The following ODF2 variants were observed in gnomAD, a reference collection of about 807,000 sequenced individuals.
ODF2 encodes outer dense fiber of sperm tails 2.
A neutral mutation model predicts 110.2 loss-of-function variants in ODF2; 47 were observed. The observed-to-expected ratio is 0.43, with a 90% CI of 0.34 to 0.54. The LOEUF is 0.54. Among genes scored for constraint, ODF2 ranks in the 20% least tolerant of loss-of-function variants. The pLI, the probability that ODF2 is intolerant of heterozygous loss-of-function variation, is 0.03. For synonymous variants in ODF2, 352 were observed against 397.7 expected, an observed-to-expected ratio of 0.89 and a Z score of 1.37; for missense variants, 812 against 1,054.5, an observed-to-expected ratio of 0.77 and a Z score of 3.19.
At chr9:128,467,018 T>A (rs1299020900) in intron 4 of ODF2, among the ~76,000 whole-genome samples, 10 of 19,382 alleles carry the variant, frequency 5.2e-4, no homozygotes, top group East Asian at 3.1e-3. Context: ...AAAAAAAATA[T>A]ATATATATAT....
At chr9:128,461,311 C>T (rs1836385341) in intron 4 of ODF2, 1 of 502,968 alleles carries the variant, frequency 2.0e-6, no homozygotes, top group Admixed American at 3.2e-5. Context: ...AGTGATTTTC[C>T]CAGAGTCACA....
intron 4 of ODF2, among the ~76,000 whole-genome samples, chr9:128,467,237 C>T (rs974815684): frequency 2.7e-5 from 4 of 150,154 alleles, no homozygotes; most frequent in South Asian, 4.2e-4. Context: ...AGCATGATGC[C>T]GTACAGAATA....
intron 8 of ODF2, among the ~76,000 whole-genome samples, chr9:128,477,814 G>T (rs1588878270): frequency 1.3e-5 from 2 of 151,390 alleles, no homozygotes; most frequent in African/African-American, 4.9e-5. Flanking sequence ...GTCCAGCCTG[G>T]TCTCAAACTC....
intron 1 of ODF2, chr9:128,457,094 C>T: frequency 1.5e-6 from 2 of 1,367,940 alleles, no homozygotes; most frequent in Non-Finnish European, 9.6e-7. Context: ...GCGTGGGACC[C>T]GGGCGCGGTG....
At chr9:128,492,847 A>C (rs185029976) in intron 16 of ODF2, 42 bp downstream of exon 16, 5 of 1,520,458 alleles carry the variant, frequency 3.3e-6, no homozygotes, top group South Asian at 1.1e-5. Context: ...ACCCAATTCC[A>C]TATCTAACTC....
At chr9:128,460,580 C>T (rs754633491) in intron 3 of ODF2, 2 of 1,613,870 alleles carry the variant, frequency 1.2e-6, no homozygotes, top group South Asian at 1.1e-5. Flanking sequence ...CTCTTCAACT[C>T]CCCCCTTACA....
At chr9:128,488,019 G>C (rs1319211998) in exon 14 of ODF2, 1 of 1,613,710 alleles carries the variant, frequency 6.2e-7, no homozygotes, top group Admixed American at 1.7e-5. Context: ...AGAATGAGAG[G>C]CTGAAGGTTC....
exon 2 of ODF2, chr9:128,457,348 C>T: frequency 1.2e-6 from 2 of 1,611,256 alleles, no homozygotes; most frequent in Non-Finnish European, 1.7e-6. Context: ...CCCTCTGGGT[C>T]CCCCTGAGCA....
At chr9:128,471,017 G>A (rs1431692957) in intron 5 of ODF2, among the ~76,000 whole-genome samples, 2 of 151,822 alleles carry the variant, frequency 1.3e-5, no homozygotes, top group African/African-American at 2.4e-5. Flanking sequence ...GGGTTCAGGC[G>A]ACTCTCTTGC....
intron 3 of ODF2, chr9:128,460,243 G>A (rs1022560954): frequency 2.2e-6 from 3 of 1,333,932 alleles, no homozygotes; most frequent in Non-Finnish European, 2.9e-6. Context: ...AGCAGGTTTA[G>A]AGGAGATCCA....
intron 4 of ODF2, among the ~76,000 whole-genome samples, chr9:128,463,646 C>T (rs1300093751): frequency 6.6e-6 from 1 of 151,626 alleles, no homozygotes; most frequent in Non-Finnish European, 1.5e-5. Flanking sequence ...TGGAGATGCA[C>T]AACATATAAC....
At chr9:128,465,075 TAATC>T (rs1837500437) in intron 4 of ODF2, among the ~76,000 whole-genome samples, 1 of 152,138 alleles carries the variant, frequency 6.6e-6, no homozygotes, top group East Asian at 1.9e-4. Context: ...CTAGGGGTAA[TAATC>T]CCCTCTGAAA....
At chr9:128,499,573 G>A (rs900131823) in intron 20 of ODF2, among the ~76,000 whole-genome samples, 4 of 152,016 alleles carry the variant, frequency 2.6e-5, no homozygotes, top group Non-Finnish European at 4.4e-5. Flanking sequence ...GGGATTACAG[G>A]TGTGAGCCAC....
intron 2 of ODF2, among the ~76,000 whole-genome samples, chr9:128,458,757 G>A (rs1835629212): frequency 6.6e-6 from 1 of 152,008 alleles, no homozygotes; most frequent in Non-Finnish European, 1.5e-5. Context: ...TATTCTCTTA[G>A]GGGAATATTT....
At position 128,494,167 on chromosome 9, in the gene ODF2, T is replaced by C. The variant is rs1845175323; in HGVS notation, c.1753-343T>C. On this transcript the variant is annotated intron_variant, in intron 16 of 20. Coordinates refer to ENST00000604420, the Ensembl canonical transcript of ODF2. The surrounding 1 kb of genome is among the most constrained non-coding windows in gnomAD (Gnocchi z 4.6). ...TGACCTTGGGCAAATGACTTAGCTC[T>C]CTTGATGCTTACTATACTTGTATGG... 6.6e-6 allele frequency among the ~76,000 whole-genome samples: 1 copy of C among 152,218 alleles called. No individual in the cohort carries two copies. Among genetic ancestry groups the C allele is most frequent in the African/African-American group, 2.4e-5 (1 of 41,460 alleles).
At chr9:128,456,391 C>A (rs532971485) in intron 1 of ODF2, 136 bp downstream of exon 1, 18 of 1,444,352 alleles carry the variant, frequency 1.2e-5, no homozygotes, top group Middle Eastern at 2.3e-4. Flanking sequence ...CGCTCGTCCC[C>A]CTCCTGTCAG....
intron 8 of ODF2, among the ~76,000 whole-genome samples, chr9:128,480,017 G>A (rs1842112651): frequency 6.6e-6 from 1 of 152,172 alleles, no homozygotes; most frequent in Non-Finnish European, 1.5e-5. Flanking sequence ...AGCTACTGAG[G>A]AGGCTGAGGT....
At chr9:128,459,084 A>G (rs998853478) in intron 2 of ODF2, among the ~76,000 whole-genome samples, 1 of 152,120 alleles carries the variant, frequency 6.6e-6, no homozygotes, top group Non-Finnish European at 1.5e-5. Context: ...GGCTCAAGCA[A>G]TCTGCCTGCC....
chr9:128,465,327 T>A (rs919717528), intron 4 of ODF2, among the ~76,000 whole-genome samples: 1 of 152,098 alleles, frequency 6.6e-6, no homozygotes, highest in African/African-American at 2.4e-5. Flanking sequence ...GAGGAAGATA[T>A]GGAAATGAAG....
Sources: allele counts gnomAD v4.1 joint callset (sites outside exome capture counted in the v4.1 genomes callset), GRCh38; gene constraint gnomAD v4.1.1; non-coding constraint Gnocchi (gnomAD v3.1); transcripts MANE v1.5; gene names NCBI Gene and HGNC (gene_info 2026-07-23, HGNC 2026-07-21).